CDC73: variants seen among roughly 807,000 people sequenced by gnomAD.
The protein encoded by CDC73 is cell division cycle 73.
Under a neutral mutation model 83.7 loss-of-function variants are expected in CDC73, and 21 were observed. The observed-to-expected ratio is 0.25, with a 90% CI of 0.18 to 0.36. The LOEUF is 0.36. Ranked by LOEUF, CDC73 falls within the 10% of genes least tolerant of loss-of-function variation. CDC73 has a pLI of 1.00. For missense variants in CDC73, 342 were observed against 653.3 expected (o/e 0.52, Z 5.19); for synonymous variants, 224 against 212.9 (o/e 1.05, Z -0.45).
chr1:193,128,796 A>C (rs1436730424), intron 2 of CDC73, among the ~76,000 whole-genome samples: 1 of 152,194 alleles, frequency 6.6e-6, no homozygotes, highest in African/African-American at 2.4e-5. Context: ...ATAAGTATTC[A>C]ATATAAGGTC....
At chr1:193,148,674 C>G (rs1275815992) in intron 8 of CDC73, among the ~76,000 whole-genome samples, 2 of 106,014 alleles carry the variant, frequency 1.9e-5, no homozygotes, top group Non-Finnish European at 3.4e-5. Context: ...TTGAGACAGT[C>G]TCACTCTGTT....
chr1:193,180,695 G>A (rs748304059), intron 10 of CDC73: 2 of 1,613,930 alleles, frequency 1.2e-6, no homozygotes, highest in African/African-American at 1.3e-5. Flanking sequence ...TCTTTGTTTC[G>A]ATTGGGTGCA....
intron 10 of CDC73, among the ~76,000 whole-genome samples, chr1:193,168,872 A>G (rs748093088): frequency 6.6e-6 from 1 of 152,170 alleles, no homozygotes; most frequent in East Asian, 1.9e-4. Context: ...TAAATGAATG[A>G]GTTTGGTTGC....
At chr1:193,200,702 G>A (rs4657848) in intron 10 of CDC73, among the ~76,000 whole-genome samples, 109,974 of 152,006 alleles carry the variant, frequency 0.72, 40,040 homozygotes, top group South Asian at 0.82. Context: ...TTAAAAATAT[G>A]GAATTGTCAG....
At chr1:193,237,328 A>T (rs535198016) in intron 15 of CDC73, among the ~76,000 whole-genome samples, 10 of 150,886 alleles carry the variant, frequency 6.6e-5, no homozygotes, top group African/African-American at 1.7e-4. Context: ...TCATTCATTT[A>T]AAAAAAAAGA....
At chr1:193,230,229 A>T (rs981220072) in intron 13 of CDC73, among the ~76,000 whole-genome samples, 20 of 149,386 alleles carry the variant, frequency 1.3e-4, no homozygotes, top group African/African-American at 3.7e-4. Flanking sequence ...GCTTGCTGCA[A>T]CCTCTGCCTT....
intron 10 of CDC73, among the ~76,000 whole-genome samples, chr1:193,173,430 A>C (rs931157892): frequency 1.3e-5 from 2 of 152,064 alleles, no homozygotes; most frequent in African/African-American, 4.8e-5. Flanking sequence ...TTGTTCCTGC[A>C]CACTTTGCCT....
intron 3 of CDC73, among the ~76,000 whole-genome samples, chr1:193,131,892 T>C (rs1405664125): frequency 6.6e-6 from 1 of 152,212 alleles, no homozygotes; most frequent in Non-Finnish European, 1.5e-5. Flanking sequence ...CATCCTGATT[T>C]ATTTTTCACC....
chr1:193,249,994 G>A lies in CDC73; in HGVS notation c.1559+123G>A. ...AATTCCCTTCTTTCAACATTAACTT[G>A]ATGCTTATCTTCAGTACATAATTAA... On this transcript the variant is annotated intron_variant, in intron 16 of 16. Transcript: ENST00000367435. 3.4e-6 allele frequency: 3 copies of A among 870,582 alleles called. No homozygotes were observed. The South Asian group carries it at 4.2e-5, about 12-fold the overall frequency. The allele number at this position is 870,582 out of a possible 1,614,324, so 53.9% of individuals were successfully genotyped here. A position where few individuals can be genotyped will look rare whatever the true frequency, so the allele number is the denominator to read the frequency against.
rs1160145790 is a variant in CDC73, at chr1:193,141,946, T to C, written c.609T>C (p.Asp203=). The change falls in exon 7 of 17, where the codon GAT becomes GAC. Residue 203 remains aspartate, a synonymous_variant. Transcript: ENST00000367435. ...CTACTATCAAGACTGATCTAGATGA[T>C]GACATAACTGCCCTTAAACAGAGGA... is the stretch of plus-strand genomic sequence containing the variant. ...KRSTIKTDLD[D]DITALKQRSF... 6.8e-6 allele frequency: 11 copies of C among 1,613,724 alleles called. No homozygotes were observed. The highest frequency in any genetic ancestry group is 5.9e-6 in the Non-Finnish European group (7 of 1,179,800).
At chr1:193,171,276 A>C (rs914447999) in intron 10 of CDC73, among the ~76,000 whole-genome samples, 9 of 152,312 alleles carry the variant, frequency 5.9e-5, no homozygotes, top group African/African-American at 2.2e-4. Flanking sequence ...AATTACTAGA[A>C]GTTTGGCAGC....
chr1:193,145,774 G>A (rs769584869), intron 7 of CDC73, among the ~76,000 whole-genome samples: 2 of 152,234 alleles, frequency 1.3e-5, no homozygotes, highest in South Asian at 4.1e-4. Flanking sequence ...AACTGGTATA[G>A]TGATAATAGT....
At chr1:193,206,437 A>G (rs1572198691) in intron 11 of CDC73, among the ~76,000 whole-genome samples, 1 of 152,214 alleles carries the variant, frequency 6.6e-6, no homozygotes, top group South Asian at 2.1e-4. Context: ...TCATTCAGCA[A>G]TAAGACTTGA....
chr1:193,225,044 T>G (rs1019483738), intron 13 of CDC73, among the ~76,000 whole-genome samples: 13 of 151,734 alleles, frequency 8.6e-5, no homozygotes, highest in African/African-American at 3.1e-4. Flanking sequence ...TCCCACAGTT[T>G]CCCCCTGCAT....
chr1:193,250,952 T>C lies in CDC73; in HGVS notation c.*240T>C, dbSNP rs1443763245. On this transcript the variant is annotated 3_prime_UTR_variant, in exon 17 of 17. Transcript: ENST00000367435. ...TATTTTGATAGAAGTTTTTTCTCCA[T>C]TGGTTAAATTAGCATTACTTAAAAT... 3.9e-6 allele frequency: 2 copies of C among 508,570 alleles called. No individual in the cohort carries two copies. Among genetic ancestry groups the C allele is most frequent in the Non-Finnish European group, 7.0e-6 (2 of 284,862 alleles). 31.5% of individuals were successfully genotyped at this position (508,570 alleles called of 1,614,324 possible).
intron 3 of CDC73, among the ~76,000 whole-genome samples, chr1:193,130,886 C>T (rs1437628089): frequency 3.9e-5 from 6 of 152,156 alleles, no homozygotes; most frequent in Non-Finnish European, 8.8e-5. Flanking sequence ...GAACACCAGC[C>T]TCTTGGTTCT....
At chr1:193,218,149 A>G (rs1428025776) in intron 13 of CDC73, among the ~76,000 whole-genome samples, 1 of 152,196 alleles carries the variant, frequency 6.6e-6, no homozygotes, top group Non-Finnish European at 1.5e-5. Context: ...AGTCCTATTC[A>G]CAGTAGCCAC....
intron 10 of CDC73, among the ~76,000 whole-genome samples, chr1:193,183,856 T>A (rs1676761744): frequency 6.6e-6 from 1 of 151,860 alleles, no homozygotes; most frequent in South Asian, 2.1e-4. Context: ...TTATACAGAT[T>A]TTTTTTAAAG....
intron 5 of CDC73, among the ~76,000 whole-genome samples, chr1:193,136,746 A>G (rs1440786327): frequency 6.6e-6 from 1 of 152,102 alleles, no homozygotes; most frequent in Non-Finnish European, 1.5e-5. Flanking sequence ...AATGTGTATG[A>G]ATTTAGGGAT....
Sources: gnomAD v4.1 joint callset for allele counts (sites outside exome capture counted in the v4.1 genomes callset) on GRCh38, gnomAD v4.1.1 for gene constraint, MANE v1.5 for transcripts, NCBI Gene and HGNC (gene_info 2026-07-23, HGNC 2026-07-21) for gene names.